Variants in CEP85L observed in about 807,000 individuals in gnomAD.
The protein encoded by CEP85L is centrosomal protein 85L, also known as centrosomal protein of 85 kDa-like.
In CEP85L, 60 loss-of-function variants were observed where a neutral mutation model predicts 100.3. The ratio of observed to expected loss-of-function variants is 0.60; its 90% CI spans 0.49 to 0.74. The LOEUF (loss-of-function observed/expected upper bound fraction) is 0.74, where lower values mean the gene tolerates loss of function less well. Ranked by LOEUF, CEP85L falls within the 30% of genes least tolerant of loss-of-function variation. The pLI is 0.00. For missense variants in CEP85L, 973 were observed against 936.2 expected (o/e 1.04, Z -0.51); for synonymous variants, 319 against 322.7 (o/e 0.99, Z 0.12).
At chr6:118,679,609 G>C (rs778256140) in intron 1 of CEP85L, among the ~76,000 whole-genome samples, 1 of 152,152 alleles carries the variant, frequency 6.6e-6, no homozygotes, top group Admixed American at 6.5e-5. Flanking sequence ...TAGTGTAAGG[G>C]TGTCAAAATC....
intron 2 of CEP85L, among the ~76,000 whole-genome samples, chr6:118,610,702 C>A (rs1008095061): frequency 6.6e-6 from 1 of 151,942 alleles, no homozygotes; most frequent in Non-Finnish European, 1.5e-5. Flanking sequence ...AAGAAATCCA[C>A]CGAAAGGCAC....
chr6:118,480,557 C>G, intron 8 of CEP85L, 44 bp from the exon 9 acceptor site: 2 of 1,228,004 alleles, frequency 1.6e-6, no homozygotes, highest in Non-Finnish European at 2.4e-6. Context: ...GCTCTATTTG[C>G]TGATTTTGGT....
Position 118,565,669 on chromosome 6 carries a change from C to G in CEP85L, c.880G>C (p.Val294Leu), listed in dbSNP as rs140573157. Residue 294 changes from valine (V) to leucine (L), a missense_variant, in exon 3 of 13, where the codon GTA becomes CTA. By Grantham distance (32) the Val-to-Leu change is conservative. Coordinates refer to ENST00000368491, the MANE Select transcript of CEP85L (RefSeq NM_001042475.3). ...AVGGVPIQPS[V>L]RTQMWLTEQL... is the part of the protein sequence containing the mutation. ...TCTGTAAGCCACATCTGAGTCCTTA[C>G]GGAAGGCTGAATGGGAACTCCACCT... 28 of 1,614,182 alleles carry G rather than the reference C, an allele frequency of 1.7e-5. No individual in the cohort carries two copies. Among genetic ancestry groups the G allele is most frequent in the Non-Finnish European group, 2.4e-5 (28 of 1,180,032 alleles).
chr6:118,596,211 A>G (rs1249717001), intron 2 of CEP85L, among the ~76,000 whole-genome samples: 1 of 152,152 alleles, frequency 6.6e-6, no homozygotes, highest in Non-Finnish European at 1.5e-5. Context: ...AGGATAAAAA[A>G]CATATCTGCT....
intron 1 of CEP85L, among the ~76,000 whole-genome samples, chr6:118,709,635 A>G (rs1006779656): frequency 1.4e-4 from 21 of 151,646 alleles, no homozygotes; most frequent in Non-Finnish European, 2.4e-4. Context: ...TTTTACGAAT[A>G]ATAGGAAAGA....
intron 4 of CEP85L, among the ~76,000 whole-genome samples, chr6:118,520,153 G>A (rs952792664): frequency 2.6e-5 from 4 of 152,170 alleles, no homozygotes; most frequent in African/African-American, 9.7e-5. Context: ...AGAAGGAAAA[G>A]GATGTTTACT....
At chr6:118,556,559 T>C (rs1778889471) in intron 3 of CEP85L, among the ~76,000 whole-genome samples, 1 of 152,214 alleles carries the variant, frequency 6.6e-6, no homozygotes, top group Non-Finnish European at 1.5e-5. Context: ...TTTGCCATTC[T>C]TTCAGCACTT....
At chr6:118,562,084 C>T (rs1268221531) in intron 3 of CEP85L, among the ~76,000 whole-genome samples, 2 of 152,110 alleles carry the variant, frequency 1.3e-5, no homozygotes, top group African/African-American at 4.8e-5. Flanking sequence ...TTCATTAAAA[C>T]AGGTATATAA....
At chr6:118,683,874 G>C (rs1385459319) in intron 1 of CEP85L, among the ~76,000 whole-genome samples, 1 of 152,144 alleles carries the variant, frequency 6.6e-6, no homozygotes, top group Non-Finnish European at 1.5e-5. Context: ...CAAAGACTGG[G>C]CCTTTTTTTC....
intron 3 of CEP85L, among the ~76,000 whole-genome samples, chr6:118,554,366 C>A (rs1183187535): frequency 1.3e-5 from 2 of 152,090 alleles, no homozygotes; most frequent in African/African-American, 4.8e-5. Flanking sequence ...AAGCTGGTCT[C>A]GAACTCCTGG....
At chr6:118,509,546 A>G (rs1470493393) in intron 5 of CEP85L, among the ~76,000 whole-genome samples, 1 of 152,136 alleles carries the variant, frequency 6.6e-6, no homozygotes, top group Admixed American at 6.6e-5. Flanking sequence ...TCTGGCCTCA[A>G]GAAAATCTGA....
chr6:118,511,255 A>G, intron 5 of CEP85L, 43 bp downstream of exon 5: 1 of 1,194,476 alleles, frequency 8.4e-7, no homozygotes, highest in Non-Finnish European at 1.2e-6. Flanking sequence ...TATTAACACA[A>G]GCTTTACTAC....
chr6:118,652,853 G>A, upstream of CEP85L: 1 of 803,874 alleles, frequency 1.2e-6, no homozygotes. Flanking sequence ...AATGTGATTG[G>A]TTCCTTTTTA....
chr6:118,574,405 G>C (rs561369545), intron 2 of CEP85L, among the ~76,000 whole-genome samples: 1 of 152,202 alleles, frequency 6.6e-6, no homozygotes, highest in Non-Finnish European at 1.5e-5. Context: ...GTGCTCTTGC[G>C]ATCGTTACTG....
intron 10 of CEP85L, among the ~76,000 whole-genome samples, chr6:118,477,870 G>A (rs1773499898): frequency 6.6e-6 from 1 of 152,072 alleles, no homozygotes; most frequent in South Asian, 2.1e-4. Context: ...AAATAATTGG[G>A]AGGTTCTCTG....
At chr6:118,671,067 G>T in intron 1 of CEP85L, among the ~76,000 whole-genome samples, 1 of 152,100 alleles carries the variant, frequency 6.6e-6, no homozygotes, top group East Asian at 1.9e-4. Context: ...TGTAGTCTTT[G>T]TGGCAAACTT....
At chr6:118,512,996 C>T (rs1343780744) in intron 4 of CEP85L, among the ~76,000 whole-genome samples, 2 of 151,994 alleles carry the variant, frequency 1.3e-5, no homozygotes, top group East Asian at 1.9e-4. Flanking sequence ...TATTCATATG[C>T]TTAAGTTAGA....
At chr6:118,641,562 C>T (rs952221783) in intron 1 of CEP85L, among the ~76,000 whole-genome samples, 1 of 152,092 alleles carries the variant, frequency 6.6e-6, no homozygotes, top group African/African-American at 2.4e-5. Context: ...GAGGGCTTGA[C>T]GGTGACATCC....
chr6:118,647,766 G>T (rs540699607), intron 1 of CEP85L, among the ~76,000 whole-genome samples: 1 of 152,184 alleles, frequency 6.6e-6, no homozygotes, highest in Admixed American at 6.5e-5. Context: ...GATTTCAAAA[G>T]CCTACGGGAA....
Sources: allele counts gnomAD v4.1 joint callset (sites outside exome capture counted in the v4.1 genomes callset), GRCh38; gene constraint gnomAD v4.1.1; transcripts MANE v1.5; gene names NCBI Gene and HGNC (gene_info 2026-07-23, HGNC 2026-07-21).